The following KALRN variants were observed in gnomAD, a reference collection of about 807,000 sequenced individuals.
The protein encoded by KALRN is kalirin.
KALRN carries 70 observed loss-of-function variants against 353.7 expected under a neutral mutation model. The observed-to-expected ratio is 0.20, with a 90% confidence interval of 0.16 to 0.24. KALRN has a LOEUF of 0.24. Among genes scored for constraint, KALRN ranks in the 10% least tolerant of loss-of-function variants. The pLI is 1.00. For synonymous variants in KALRN, 1,391 were observed against 1,434.8 expected (o/e 0.97, Z 0.69); for missense variants, 2,791 against 3,756.7 (o/e 0.74, Z 6.72).
chr3:124,196,811 T>C (rs1374845875), intron 1 of KALRN, among the ~76,000 whole-genome samples: 1 of 152,234 alleles, frequency 6.6e-6, no homozygotes, highest in Non-Finnish European at 1.5e-5. Context: ...GTACTACTAA[T>C]AGCGAATGTT....
intron 13 of KALRN, among the ~76,000 whole-genome samples, chr3:124,410,604 G>A (rs748654653): frequency 1.4e-4 from 22 of 152,254 alleles, no homozygotes; most frequent in Admixed American, 9.8e-4. Context: ...TCTCACCATC[G>A]TGAGTCATCA....
intron 6 of KALRN, among the ~76,000 whole-genome samples, chr3:124,304,908 G>A (rs1248302553): frequency 6.6e-6 from 1 of 152,150 alleles, no homozygotes; most frequent in Non-Finnish European, 1.5e-5. Flanking sequence ...AATGTCCCCC[G>A]GAGATGGAGA....
intron 1 of KALRN, among the ~76,000 whole-genome samples, chr3:124,077,605 A>C (rs935137354): frequency 1.3e-5 from 2 of 152,122 alleles, no homozygotes; most frequent in African/African-American, 2.4e-5. Flanking sequence ...TCAGCTCTGA[A>C]TCCCCTTGCC....
At chr3:124,328,769 C>T (rs1301913591) in intron 7 of KALRN, among the ~76,000 whole-genome samples, 3 of 152,066 alleles carry the variant, frequency 2.0e-5, no homozygotes, top group Admixed American at 6.5e-5. Flanking sequence ...GAGAAGTGCA[C>T]GTTTATTTCA....
chr3:124,229,674 G>A (rs1007319530), intron 2 of KALRN, among the ~76,000 whole-genome samples: 8 of 152,256 alleles, frequency 5.3e-5, no homozygotes, highest in African/African-American at 1.4e-4. Flanking sequence ...CCACCTCATC[G>A]GAGAAAAGGC....
At chr3:124,113,916 A>C (rs1392946445) in intron 1 of KALRN, among the ~76,000 whole-genome samples, 2 of 152,234 alleles carry the variant, frequency 1.3e-5, no homozygotes, top group African/African-American at 4.8e-5. Flanking sequence ...CAACCACTTA[A>C]GGAGAGAAGG....
At chr3:124,713,865 C>T (rs77117320) in intron 58 of KALRN, among the ~76,000 whole-genome samples, 2,617 of 152,222 alleles carry the variant, frequency 0.017, 78 homozygotes, top group African/African-American at 0.058. Flanking sequence ...AGACCATTGC[C>T]GAGTATGGCT....
chr3:124,367,087 G>C (rs1280327890), intron 10 of KALRN, among the ~76,000 whole-genome samples: 2 of 124,970 alleles, frequency 1.6e-5, no homozygotes, highest in Non-Finnish European at 1.7e-5. Flanking sequence ...CCTCCCGGAT[G>C]GGGTGGCTGG....
At chr3:124,484,225 T>C (rs1255253215) in intron 28 of KALRN, among the ~76,000 whole-genome samples, 4 of 152,208 alleles carry the variant, frequency 2.6e-5, no homozygotes, top group Non-Finnish European at 5.9e-5. Context: ...CCATGGAATC[T>C]CCCTGGCTTA....
chr3:124,251,249 C>T (rs778888109), intron 3 of KALRN, among the ~76,000 whole-genome samples: 30 of 152,162 alleles, frequency 2.0e-4, no homozygotes, highest in Non-Finnish European at 4.0e-4. Flanking sequence ...CGTGCATTTG[C>T]CTGATCCTGC....
chr3:124,673,527 A>G (rs980050196), intron 48 of KALRN, among the ~76,000 whole-genome samples: 2 of 151,140 alleles, frequency 1.3e-5, no homozygotes, highest in African/African-American at 4.9e-5. Flanking sequence ...TATAGAATAT[A>G]TATGTATATC....
At chr3:124,340,298 G>A (rs2149499728) in intron 9 of KALRN, among the ~76,000 whole-genome samples, 1 of 152,264 alleles carries the variant, frequency 6.6e-6, no homozygotes, top group Non-Finnish European at 1.5e-5. Context: ...GAGGTGAGCG[G>A]ATTGCCTGAT....
intron 33 of KALRN, among the ~76,000 whole-genome samples, chr3:124,544,165 G>T (rs2069360810): frequency 1.3e-5 from 2 of 152,194 alleles, no homozygotes; most frequent in South Asian, 2.1e-4. Flanking sequence ...GTAGCTGTGG[G>T]GTTTGTAAAG....
chr3:124,360,833 G>A (rs1466210030), intron 10 of KALRN, among the ~76,000 whole-genome samples: 1 of 152,226 alleles, frequency 6.6e-6, no homozygotes, highest in African/African-American at 2.4e-5. Context: ...GGGGAAGCCA[G>A]CATTTGTCTA....
intron 43 of KALRN, 125 bp downstream of exon 43, chr3:124,659,582 G>T (rs907276608): frequency 1.5e-6 from 1 of 663,480 alleles, no homozygotes; most frequent in Non-Finnish European, 2.7e-6. Context: ...TGTGAACTGT[G>T]GGAGGGGTGG....
At chr3:124,058,996 C>T (rs4368440) in intron 1 of KALRN, among the ~76,000 whole-genome samples, 141,845 of 152,218 alleles carry the variant, frequency 0.93, 66,524 homozygotes, top group East Asian at 1. Flanking sequence ...TCTAATTCCA[C>T]TGGGTATGTG....
chr3:124,632,632 C>A lies in KALRN; in HGVS notation c.5395C>A (p.Arg1799=). Residue 1799 remains arginine (R), a synonymous_variant, in exon 35 of 60, where the codon CGG becomes AGG. Coordinates refer to ENST00000682506, the MANE Select transcript of KALRN (RefSeq NM_001388419.1). ...IKKQKKVRDG[R]KSFDLGSPKP... ...AAAGCAGAAGAAAGTTCGCGATGGT[C>A]GGAAGAGCTTTGACCTGGGATCTCC... 1 of 1,614,146 alleles carries A rather than the reference C, an allele frequency of 6.2e-7. No homozygotes were observed. Among genetic ancestry groups the A allele is most frequent in the South Asian group, 1.1e-5 (1 of 91,058 alleles).
intron 13 of KALRN, among the ~76,000 whole-genome samples, chr3:124,402,967 C>T (rs2091055757): frequency 1.3e-5 from 2 of 152,228 alleles, no homozygotes; most frequent in East Asian, 1.9e-4. Flanking sequence ...GCAGGAAACT[C>T]GTTAAACCAC....
At chr3:124,184,649 T>C (rs1432765381) in intron 1 of KALRN, among the ~76,000 whole-genome samples, 3 of 152,184 alleles carry the variant, frequency 2.0e-5, no homozygotes, top group African/African-American at 7.2e-5. Flanking sequence ...ACTTCTATAA[T>C]TGTGTGATGT....
Sources: allele counts gnomAD v4.1 joint callset (sites outside exome capture counted in the v4.1 genomes callset), GRCh38; gene constraint gnomAD v4.1.1; transcripts MANE v1.5; gene names NCBI Gene and HGNC (gene_info 2026-07-23, HGNC 2026-07-21).